Variants in TAF6 observed in about 807,000 individuals in gnomAD.
TAF6 encodes the protein transcription initiation factor TFIID subunit 6.
TAF6 carries 50 observed loss-of-function variants against 73.5 expected under a neutral mutation model. The ratio of observed to expected loss-of-function variants is 0.68; its 90% CI spans 0.54 to 0.86. TAF6 has a LOEUF of 0.86. TAF6 is among the 40% of genes least tolerant of loss of function. The pLI is 0.00. For synonymous variants in TAF6, 424 were observed against 376.7 expected, an observed-to-expected ratio of 1.13 and a Z score of -1.45; for missense variants, 768 against 899.5, an observed-to-expected ratio of 0.85 and a Z score of 1.87.
In TAF6 at chr7:100,107,364, C is replaced by A. The variant is rs1796626947; in HGVS notation, c.1916G>T (p.Ser639Ile). The change falls in exon 15 of 15, where the codon AGC becomes ATC. Residue 639 changes from serine to isoleucine, a missense_variant. By Grantham distance (142) the Ser-to-Ile change is moderately radical. Coordinates refer to ENST00000453269, the MANE Select transcript of TAF6 (RefSeq NM_139315.3). ...PPPASSPSPL[S>I]GSALCGGKQE... ...CTTCCCCCCACAAAGGGCACTGCCG[C>A]TGAGTGGGGACGGGGACGATGCCGG... 2 of 1,574,734 alleles carry A rather than the reference C, an allele frequency of 1.3e-6. No homozygotes were observed. Among genetic ancestry groups the A allele is most frequent in the Non-Finnish European group, 1.7e-6 (2 of 1,157,442 alleles).
chr7:100,107,725 C>G, intron 14 of TAF6, 102 bp from the exon 15 acceptor site: 1 of 1,490,652 alleles, frequency 6.7e-7, no homozygotes, highest in Non-Finnish European at 9.0e-7. Context: ...CAAGTTGTTC[C>G]TGTAGTTCAC....
In TAF6 at chr7:100,119,289, G is replaced by A; in HGVS notation, c.-145C>T. The A allele has an allele frequency of 3.9e-6, 4 of 1,022,020 alleles. No individual in the cohort carries two copies. The highest frequency in any genetic ancestry group is 4.7e-6 in the Non-Finnish European group (4 of 850,370). 63.3% of individuals were successfully genotyped at this position (1,022,020 alleles called of 1,614,324 possible). ...ACCCGCCCCCGCCACCCGAGCGCGG[G>A]GAGCAGGAAAACTCTAGCGGCAGCC... is the stretch of plus-strand genomic sequence containing the variant. On this transcript the variant is annotated 5_prime_UTR_variant, in exon 1 of 15. Transcript: ENST00000453269.
At position 100,110,994 on chromosome 7, in the gene TAF6, A is replaced by G. The variant is rs894424488; in HGVS notation, c.1083+145T>C. On this transcript the variant is annotated intron_variant, in intron 10 of 14. Transcript: ENST00000453269. Reference sequence around the variant, plus strand: ...GACTCCATCTCAAAAAAAAAAAAAAAAGGTATTACAGACAAGCCTCAAGAC... The same window carrying G: ...GACTCCATCTCAAAAAAAAAAAAAAGAGGTATTACAGACAAGCCTCAAGAC... 17 of 873,218 alleles carry G rather than the reference A, an allele frequency of 1.9e-5. No homozygotes were observed. The African/African-American group carries it at 3.1e-4, about 16-fold the overall frequency. The allele number at this position is 873,218 out of a possible 1,614,324, so 54.1% of individuals were successfully genotyped here. A position where few individuals can be genotyped will look rare whatever the true frequency, so the allele number is the denominator to read the frequency against.
chr7:100,108,160 C>G, intron 13 of TAF6, 37 bp from the exon 14 acceptor site: 1 of 1,560,772 alleles, frequency 6.4e-7, no homozygotes, highest in Non-Finnish European at 8.6e-7. Context: ...GTGGCACCAT[C>G]TACTAAGAAG....
the TAF6 span, chr7:100,125,012 C>T: frequency 8.7e-7 from 1 of 1,145,826 alleles, no homozygotes; most frequent in East Asian, 2.4e-5. Context: ...TGTAGCTGTT[C>T]TCTCCCATCT....
chr7:100,124,796 C>CAGGAGGAGG (rs141457365), upstream of TAF6: 1 of 1,612,454 alleles, frequency 6.2e-7, no homozygotes, highest in Non-Finnish European at 8.5e-7. Context: ...GGAGGAAGAG[C>CAGGAGGAGG]AGGAGGAGGA....
chr7:100,124,743 G>C (rs1330645818), upstream of TAF6: 65 of 1,613,758 alleles, frequency 4.0e-5, no homozygotes, highest in Non-Finnish European at 5.1e-5. Context: ...CAGGAAACTT[G>C]GACTGGAAAG....
Position 100,107,152 on chromosome 7 carries a change from A to C in TAF6, c.*94T>G. The C allele has an allele frequency of 1.3e-6, 2 of 1,482,590 alleles. No individual in the cohort carries two copies. Among genetic ancestry groups the C allele is most frequent in the Non-Finnish European group, 9.0e-7 (1 of 1,112,008 alleles). The allele number at this position is 1,482,590 out of a possible 1,614,324, so 91.8% of individuals were successfully genotyped here. A position where few individuals can be genotyped will look rare whatever the true frequency, so the allele number is the denominator to read the frequency against. On this transcript the variant is annotated 3_prime_UTR_variant, in exon 15 of 15. Transcript: ENST00000453269. ...GAAAGTGACATGAAGGAAGCAATCT[A>C]CAACTTCCTTCCGCTTAGCGAGCAT... is the stretch of plus-strand genomic sequence containing the variant.
the TAF6 span, chr7:100,125,047 A>ATGGCCGCTGTCTTGTTAAGCTCAAGCTC: frequency 1.2e-6 from 1 of 809,378 alleles, no homozygotes; most frequent in South Asian, 1.9e-5. Context: ...TCCTGGTGAA[A>ATGGCCGCTGTCTTGTTAAGCTCAAGCTC]CAGCATGACA....
At chr7:100,114,307 TGA>T (rs1439484230) in intron 1 of TAF6, 39 bp from the exon 2 acceptor site, 2 of 1,593,914 alleles carry the variant, frequency 1.3e-6, no homozygotes, top group Admixed American at 3.4e-5. Context: ...AAAAGAAACG[TGA>T]GACACAGGGA....
chr7:100,122,714 G>C (rs1003208020), upstream of TAF6: 15 of 1,556,890 alleles, frequency 9.6e-6, no homozygotes, highest in African/African-American at 1.8e-4. Context: ...TGACAAAACT[G>C]AAATGGCAGA....
At chr7:100,112,939 C>T (rs201625885) in intron 5 of TAF6, 22 bp from the exon 6 acceptor site, 603 of 1,599,604 alleles carry the variant, frequency 3.8e-4, no homozygotes, top group South Asian at 2.6e-4. Flanking sequence ...GCAGGCACAG[C>T]GGGAGGGGTG....
rs1162562499 is a variant in TAF6, at chr7:100,111,211, C to T, written c.1011G>A (p.Val337=). 6 of 1,614,084 alleles carry T rather than the reference C, an allele frequency of 3.7e-6. No individual in the cohort carries two copies. The highest frequency in any genetic ancestry group is 2.7e-5 in the African/African-American group (2 of 74,940). ...TGCTAAAATGCTTGCAGATCTGGGCCACCAGGCGGGCAGCAAAGTCTCGGA... is the reference window on the plus strand; with the variant it reads ...TGCTAAAATGCTTGCAGATCTGGGCTACCAGGCGGGCAGCAAAGTCTCGGA... ...WALRDFAARL[V]AQICKHFSTT... Residue 337 remains valine, a synonymous_variant, in exon 10 of 15, where the codon GTG becomes GTA. Coordinates refer to ENST00000453269, the MANE Select transcript of TAF6 (RefSeq NM_139315.3).
Position 100,112,250 on chromosome 7 carries a change from T to C in TAF6, c.578A>G (p.Lys193Arg). Residue 193 changes from lysine (K) to arginine (R), a missense_variant, in exon 7 of 15, where the codon AAA (lysine) becomes AGA (arginine). By Grantham distance (26) the Lys-to-Arg change is conservative (BLOSUM62 2). Coordinates refer to ENST00000453269, the MANE Select transcript of TAF6 (RefSeq NM_139315.3). ...CAGCAAGGGCGGCGCCTTCTTCTCT[T>C]TCCCTGTGTGATTGGAAAGGTGGGT... ...QGATTADGKG[K>R]EKKAPPLLEG... The C allele has an allele frequency of 1.2e-6, 2 of 1,611,082 alleles. No individual in the cohort carries two copies. Among genetic ancestry groups the C allele is most frequent in the African/African-American group, 1.3e-5 (1 of 74,694 alleles).
intron 10 of TAF6, among the ~76,000 whole-genome samples, chr7:100,110,703 C>T (rs4134914): frequency 0.039 from 5,988 of 152,246 alleles, 122 homozygotes; most frequent in Middle Eastern, 0.068. Context: ...CCCAGCTACT[C>T]GGGAGGCTGA....
the TAF6 span, among the ~76,000 whole-genome samples, chr7:100,126,247 C>T: frequency 6.6e-6 from 1 of 152,168 alleles, no homozygotes. Context: ...GAGGCTGAGA[C>T]AGGAGAATCG....
intron 1 of TAF6, chr7:100,118,803 C>T: frequency 1.0e-6 from 1 of 975,100 alleles, no homozygotes; most frequent in South Asian, 4.7e-5. Flanking sequence ...CAAATTGGTT[C>T]TTTTCAAACC....
In TAF6 at chr7:100,107,158, T is replaced by C; in HGVS notation, c.*88A>G. On this transcript the variant is annotated 3_prime_UTR_variant, in exon 15 of 15. Coordinates refer to ENST00000453269, the MANE Select transcript of TAF6 (RefSeq NM_139315.3). ...GACATGAAGGAAGCAATCTACAACT[T>C]CCTTCCGCTTAGCGAGCATGCATGT... The C allele has an allele frequency of 6.7e-7, 1 of 1,495,124 alleles. No individual in the cohort carries two copies. The highest frequency in any genetic ancestry group is 8.9e-7 in the Non-Finnish European group (1 of 1,121,036). The allele number at this position is 1,495,124 out of a possible 1,614,324, so 92.6% of individuals were successfully genotyped here. A position where few individuals can be genotyped will look rare whatever the true frequency, so the allele number is the denominator to read the frequency against.
intron 1 of TAF6, among the ~76,000 whole-genome samples, chr7:100,117,664 C>T (rs1006913111): frequency 2.0e-5 from 3 of 152,078 alleles, no homozygotes; most frequent in African/African-American, 7.2e-5. Context: ...AGTTGTAAGG[C>T]TTAGAGATAT....
Sources: allele counts gnomAD v4.1 joint callset (sites outside exome capture counted in the v4.1 genomes callset), GRCh38; gene constraint gnomAD v4.1.1; transcripts MANE v1.5; gene names NCBI Gene and HGNC (gene_info 2026-07-23, HGNC 2026-07-21).